MLLT6: variants seen among roughly 807,000 people sequenced by gnomAD.
The protein encoded by MLLT6 is protein AF-17.
Under a neutral mutation model 103.0 loss-of-function variants are expected in MLLT6, and 22 were observed. The ratio of observed to expected loss-of-function variants is 0.21; its 90% confidence interval spans 0.15 to 0.31. The LOEUF (loss-of-function observed/expected upper bound fraction) is 0.31. Ranked by LOEUF, MLLT6 falls within the 10% of genes least tolerant of loss-of-function variation. The pLI is 1.00. For synonymous variants in MLLT6, 606 were observed against 623.5 expected (o/e 0.97, Z 0.42); for missense variants, 1,199 against 1,441.7 (o/e 0.83, Z 2.73).
At chr17:38,723,884 A>C (rs1867073550) in intron 18 of MLLT6, among the ~76,000 whole-genome samples, 2 of 151,776 alleles carry the variant, frequency 1.3e-5, no homozygotes, top group African/African-American at 4.8e-5. Flanking sequence ...CTGGGATTAC[A>C]GGTGCATGCC....
Position 38,726,652 on chromosome 17 carries a change from C to T in MLLT6, c.*1054C>T, listed in dbSNP as rs1455678384. 1.7e-5 allele frequency: 4 copies of T among 233,566 alleles called. No individual in the cohort carries two copies. Among genetic ancestry groups the T allele is most frequent in the Non-Finnish European group, 3.4e-5 (4 of 118,036 alleles). The allele number at this position is 233,566 out of a possible 1,614,324, so 14.5% of individuals were successfully genotyped here. On this transcript the variant is annotated 3_prime_UTR_variant, in exon 20 of 20. Coordinates refer to ENST00000621332, the MANE Select transcript of MLLT6 (RefSeq NM_005937.4). ...AGTATCCTGCCTTCCCTCCCCTGAC[C>T]CCACATGGTCTCAGGGCCCCCTTAG... is the stretch of plus-strand genomic sequence containing the variant.
rs917584284 is a variant in MLLT6, at chr17:38,715,794, TTCC to T, written c.1011_1013del (p.Ser338del). 1.2e-5 allele frequency: 20 copies of T among 1,607,238 alleles called. No homozygotes were observed. The highest frequency in any genetic ancestry group is 3.4e-5 in the Admixed American group (2 of 58,728). Reference sequence around the variant, plus strand: ...CCGCCTCCTCTTCTTCCTCCTCCTCTTCCTCCTCCTCTGGGGGGCCCTTCCAGC... The same window carrying T: ...CCGCCTCCTCTTCTTCCTCCTCCTCTTCCTCCTCTGGGGGGCCCTTCCAGC... On this transcript the variant is annotated inframe_deletion, in exon 9 of 20. Transcript: ENST00000621332.
intron 6 of MLLT6, among the ~76,000 whole-genome samples, chr17:38,710,485 A>G (rs941396720): frequency 2.6e-5 from 4 of 152,132 alleles, no homozygotes; most frequent in Non-Finnish European, 5.9e-5. Context: ...GTGAGGCTAG[A>G]TCAGAAGGGC....
chr17:38,727,979 A>C lies in MLLT6; in HGVS notation c.*2381A>C, dbSNP rs1284892016. On this transcript the variant is annotated 3_prime_UTR_variant, in exon 20 of 20. Transcript: ENST00000621332. The stretch of plus-strand genomic sequence containing the variant: ...GTGAGAGGTCCAAGTGATTCTGTGC[A>C]TTGAAACCAAGACACCCCACCCAGA... 8.6e-6 allele frequency: 2 copies of C among 233,106 alleles called. No homozygotes were observed. Among genetic ancestry groups the C allele is most frequent in the African/African-American group, 4.4e-5 (2 of 45,314 alleles). The allele number at this position is 233,106 out of a possible 1,614,324, so 14.4% of individuals were successfully genotyped here.
rs1905339094 is a variant in MLLT6 at position 38,716,273 on chromosome 17, G to A, written c.1037-94G>A. 27 of 1,341,812 alleles carry A rather than the reference G, an allele frequency of 2.0e-5. 1 individual carries two copies. In the South Asian group the frequency reaches 2.6e-4, roughly 13 times the overall value. 83.1% of individuals were successfully genotyped at this position (1,341,812 alleles called of 1,614,324 possible). Reference sequence around the variant, plus strand: ...GACAGGAAACCAGGCATCCCCATTCGTGGACCAGAGCTCTCTCCCGCCAGT... The same window carrying A: ...GACAGGAAACCAGGCATCCCCATTCATGGACCAGAGCTCTCTCCCGCCAGT... On this transcript the variant is annotated intron_variant, in intron 9 of 19. Transcript: ENST00000621332. The surrounding 1 kb of genome is among the most constrained non-coding windows in gnomAD (Gnocchi z 5.6).
chr17:38,711,552 C>T (rs532857164), intron 6 of MLLT6, among the ~76,000 whole-genome samples: 15 of 152,198 alleles, frequency 9.9e-5, no homozygotes, highest in East Asian at 3.9e-4. Context: ...ATGAAAGACC[C>T]GGGCCCCAGT....
At chr17:38,714,570 T>G (rs1318902352) in intron 8 of MLLT6, 1 of 152,206 alleles carries the variant, frequency 6.6e-6, no homozygotes, top group African/African-American at 2.4e-5. Flanking sequence ...AAACCCTGCC[T>G]CTATTAAAAA....
chr17:38,718,246 GC>G (rs1905466104), intron 12 of MLLT6: 2 of 277,912 alleles, frequency 7.2e-6, no homozygotes, highest in Non-Finnish European at 1.3e-5. Context: ...GTGGTGGTGG[GC>G]GCCTGTAATC....
intron 4 of MLLT6, chr17:38,708,167 C>A: frequency 4.5e-6 from 2 of 445,608 alleles, no homozygotes. Flanking sequence ...ATGTGCCAGA[C>A]CTGGTGCAAG....
rs1480537717 is a variant in MLLT6, at chr17:38,716,285, T to G, written c.1037-82T>G. On this transcript the variant is annotated intron_variant, in intron 9 of 19. Transcript: ENST00000621332. The surrounding 1 kb of genome is among the most constrained non-coding windows in gnomAD (Gnocchi z 5.6). ...GGCATCCCCATTCGTGGACCAGAGC[T>G]CTCTCCCGCCAGTACACGCGGGAGT... 8.5e-6 allele frequency: 12 copies of G among 1,414,126 alleles called. No homozygotes were observed. The highest frequency in any genetic ancestry group is 2.5e-5 in the South Asian group (2 of 79,756). 87.6% of individuals were successfully genotyped at this position (1,414,126 alleles called of 1,614,324 possible). A position where few individuals can be genotyped will look rare whatever the true frequency, so the allele number is the denominator to read the frequency against.
rs1404204049 is a variant in MLLT6, at chr17:38,729,520, C to T, written c.*3922C>T. ...CTCACCCCTGCTCCCGTCCCGCCCCCTTTCTATCCCAACCTGTTTCCATGT... is the reference window on the plus strand; with the variant it reads ...CTCACCCCTGCTCCCGTCCCGCCCCTTTTCTATCCCAACCTGTTTCCATGT... On this transcript the variant is annotated 3_prime_UTR_variant, in exon 20 of 20. Transcript: ENST00000621332. 4.3e-6 allele frequency: 1 copy of T among 233,274 alleles called. No homozygotes were observed. Among genetic ancestry groups the T allele is most frequent in the Non-Finnish European group, 8.5e-6 (1 of 117,904 alleles). The allele number at this position is 233,274 out of a possible 1,614,324, so 14.5% of individuals were successfully genotyped here. A position where few individuals can be genotyped will look rare whatever the true frequency, so the allele number is the denominator to read the frequency against.
rs1905418836 is a variant in MLLT6, at chr17:38,717,600, T to A, written c.1820T>A (p.Ile607Asn). ...TSTLPSSSAS[I>N]STTQVFSLAG... is the part of the protein sequence containing the mutation. Reference sequence around the variant, plus strand: ...ACCCTCCCCTCCTCTTCTGCTTCTATCTCCACCACTCAGGTGAGACCTGAC... The same window carrying A: ...ACCCTCCCCTCCTCTTCTGCTTCTAACTCCACCACTCAGGTGAGACCTGAC... Residue 607 changes from isoleucine (I) to asparagine (N), a missense_variant, in exon 11 of 20, where the codon ATC (isoleucine) becomes AAC (asparagine). Physicochemically the swap from Ile to Asn is moderately radical, Grantham distance 149. This residue lies in a region of MLLT6 where 1,034 missense variants were observed against 1,091.5 expected (regional missense o/e 0.95). Transcript: ENST00000621332. 2 of 1,613,762 alleles carry A rather than the reference T, an allele frequency of 1.2e-6. No individual in the cohort carries two copies. Among genetic ancestry groups the A allele is most frequent in the Middle Eastern group, 1.7e-4 (1 of 6,058 alleles).
chr17:38,716,172 C>T lies in MLLT6; in HGVS notation c.1037-195C>T. On this transcript the variant is annotated intron_variant, in intron 9 of 19. Coordinates refer to ENST00000621332, the MANE Select transcript of MLLT6 (RefSeq NM_005937.4). This position sits in a 1 kb window ranked among gnomAD's most constrained non-coding sequence, Gnocchi z 5.6. ...GGCCAGTAGGGTGCGAGTTACTCTC[C>T]CCCATTTTATTACAGGTGGGAAAGC... 3 of 621,654 alleles carry T rather than the reference C, an allele frequency of 4.8e-6. No individual in the cohort carries two copies. The highest frequency in any genetic ancestry group is 5.6e-5 in the East Asian group (2 of 35,984). 38.5% of individuals were successfully genotyped at this position (621,654 alleles called of 1,614,324 possible).
chr17:38,728,997 A>C lies in MLLT6; in HGVS notation c.*3399A>C. On this transcript the variant is annotated 3_prime_UTR_variant, in exon 20 of 20. Coordinates refer to ENST00000621332, the MANE Select transcript of MLLT6 (RefSeq NM_005937.4). ...TCCTGACCTTGAGGCTGATGAGGGG[A>C]CCCCTGCCTGTTTCCCCCATACTGA... is the stretch of plus-strand genomic sequence containing the variant. The C allele has an allele frequency of 4.3e-6, 1 of 231,970 alleles. No homozygotes were observed. Among genetic ancestry groups the C allele is most frequent in the Non-Finnish European group, 8.5e-6 (1 of 118,002 alleles). 14.4% of individuals were successfully genotyped at this position (231,970 alleles called of 1,614,324 possible). A position where few individuals can be genotyped will look rare whatever the true frequency, so the allele number is the denominator to read the frequency against.
chr17:38,711,405 G>A (rs1052529424), intron 6 of MLLT6, among the ~76,000 whole-genome samples: 8 of 152,136 alleles, frequency 5.3e-5, no homozygotes, highest in Non-Finnish European at 1.0e-4. Context: ...GCTGAGCCAA[G>A]TGTCTGGAGG....
intron 3 of MLLT6, 72 bp downstream of exon 3, chr17:38,707,612 G>A (rs1418300065): frequency 1.3e-6 from 2 of 1,514,080 alleles, no homozygotes; most frequent in Non-Finnish European, 1.8e-6. Context: ...AATGGACTGA[G>A]TTGGGGTGGA....
rs753118396 is a variant in MLLT6, at chr17:38,709,594, C to T, written c.552+19C>T. 157 of 1,591,192 alleles carry T rather than the reference C, an allele frequency of 9.9e-5. No homozygotes were observed. The highest frequency in any genetic ancestry group is 2.2e-5 in the Non-Finnish European group (25 of 1,159,654). ...CAAGATGGTGAGTCCTGGCGACCAG[C>T]GCATGAGCGGGTCAGTCAGCTGTGG... On this transcript the variant is annotated intron_variant, in intron 6 of 19. Coordinates refer to ENST00000621332, the MANE Select transcript of MLLT6 (RefSeq NM_005937.4). The surrounding 1 kb of genome is among the most constrained non-coding windows in gnomAD (Gnocchi z 4.3).
rs200705736 is a variant in MLLT6 at position 38,724,843 on chromosome 17, C to T, written c.3107C>T (p.Thr1036Ile). 1 of 1,587,670 alleles carries T rather than the reference C, an allele frequency of 6.3e-7. No individual in the cohort carries two copies. Among genetic ancestry groups the T allele is most frequent in the East Asian group, 2.3e-5 (1 of 43,202 alleles). ...GTGGCTCCCTCGCTTGGCAACAACA[C>T]AAGTCTCATGGCCGCAGCAGCTGCA... ...ALVAPSLGNN[T>I]SLMAAAAAAA... The change falls in exon 19 of 20, where the codon ACA (threonine) becomes ATA (isoleucine). Residue 1036 changes from threonine (T) to isoleucine (I), a missense_variant. Physicochemically the swap from Thr to Ile is moderately conservative, Grantham distance 89. Transcript: ENST00000621332. This position sits in a 1 kb window ranked among gnomAD's most constrained non-coding sequence, Gnocchi z 5.4.
chr17:38,708,755 C>T (rs553665877), intron 4 of MLLT6, among the ~76,000 whole-genome samples: 36 of 152,142 alleles, frequency 2.4e-4, no homozygotes, highest in African/African-American at 7.7e-4. Flanking sequence ...ATTAGCTGGG[C>T]ATGGTGGTGG....
Sources: allele counts gnomAD v4.1 joint callset (sites outside exome capture counted in the v4.1 genomes callset), GRCh38; gene constraint gnomAD v4.1.1; regional missense constraint gnomAD v4.1.1; non-coding constraint Gnocchi (gnomAD v3.1); transcripts MANE v1.5; gene names NCBI Gene and HGNC (gene_info 2026-07-23, HGNC 2026-07-21).